Variants in ZC3H7B observed in about 807,000 individuals in gnomAD.
ZC3H7B encodes the protein zinc finger CCCH domain-containing protein 7B.
Under a neutral mutation model 116.0 loss-of-function variants are expected in ZC3H7B, and 35 were observed. That is an observed-to-expected ratio of 0.30 (90% CI 0.23 to 0.40). The LOEUF is 0.40. Among genes scored for constraint, ZC3H7B ranks in the 10% least tolerant of loss-of-function variants. The pLI, the probability that ZC3H7B is intolerant of heterozygous loss-of-function variation, is 1.00. For synonymous variants in ZC3H7B, 502 were observed against 545.6 expected (o/e 0.92, Z 1.11); for missense variants, 1,011 against 1,321.5 (o/e 0.77, Z 3.64).
At chr22:41,345,054 A>G (rs549285227) in intron 13 of ZC3H7B, among the ~76,000 whole-genome samples, 20 of 152,216 alleles carry the variant, frequency 1.3e-4, no homozygotes, top group Non-Finnish European at 2.1e-4. Flanking sequence ...GCCTCAAGCA[A>G]TTCTCCTGCC....
rs2036475464 is a variant in ZC3H7B at position 41,338,632 on chromosome 22, T to G, written c.625+277T>G. 6.6e-6 allele frequency among the ~76,000 whole-genome samples: 1 copy of G among 152,126 alleles called. No homozygotes were observed. Among genetic ancestry groups the G allele is most frequent in the African/African-American group, 2.4e-5 (1 of 41,426 alleles). ...TCCTGGCTGCCTGCACACCCCCACC[T>G]CTTCCAAAGCCCTTTCCCCTCCTCT... On this transcript the variant is annotated intron_variant, in intron 8 of 22. Coordinates refer to ENST00000352645, the MANE Select transcript of ZC3H7B (RefSeq NM_017590.6). The surrounding 1 kb of genome is among the most constrained non-coding windows in gnomAD (Gnocchi z 4.5).
At chr22:41,344,573 G>T (rs1394786755) in intron 13 of ZC3H7B, among the ~76,000 whole-genome samples, 1 of 152,158 alleles carries the variant, frequency 6.6e-6, no homozygotes, top group East Asian at 1.9e-4. Context: ...CTTCTCTGCG[G>T]TGCTTCCCCT....
At chr22:41,319,243 T>C (rs967998983) in intron 1 of ZC3H7B, among the ~76,000 whole-genome samples, 7 of 152,030 alleles carry the variant, frequency 4.6e-5, no homozygotes, top group East Asian at 3.9e-4. Flanking sequence ...CTACTAAAAA[T>C]ACAAAAAATT....
chr22:41,308,165 T>C (rs2036070493), intron 1 of ZC3H7B, among the ~76,000 whole-genome samples: 1 of 152,070 alleles, frequency 6.6e-6, no homozygotes. Context: ...GATTGGTTTG[T>C]GTTACTGAAG....
At chr22:41,341,262 C>T in intron 11 of ZC3H7B, 116 bp downstream of exon 11, 1 of 1,263,056 alleles carries the variant, frequency 7.9e-7, no homozygotes, top group Admixed American at 2.1e-5. Context: ...CACGGCGGGG[C>T]ACTCCCAGAG....
Position 41,356,734 on chromosome 22 carries a change from G to A in ZC3H7B, c.2607G>A (p.Lys869=), listed in dbSNP as rs752968572. 42 of 1,613,588 alleles carry A rather than the reference G, an allele frequency of 2.6e-5. No individual in the cohort carries two copies. In the South Asian group the frequency reaches 4.3e-4, roughly 16 times the overall value. Residue 869 remains lysine, a synonymous_variant, in exon 22 of 23, where the codon AAG becomes AAA. Transcript: ENST00000352645. Reference sequence around the variant, plus strand: ...TCCAGTCCGAGAAGCACAAGGAGAAGGTCTTCACGTCCGACAGTGACGCCA... The same window carrying A: ...TCCAGTCCGAGAAGCACAAGGAGAAAGTCTTCACGTCCGACAGTGACGCCA... ...QHIQSEKHKE[K]VFTSDSDASG...
At chr22:41,307,078 A>G (rs1317130886) in intron 1 of ZC3H7B, among the ~76,000 whole-genome samples, 1 of 151,328 alleles carries the variant, frequency 6.6e-6, no homozygotes, top group Admixed American at 6.6e-5. Context: ...GGTTCAAGCA[A>G]TTCTCCTGCC....
At chr22:41,354,339 A>G (rs528484784) in intron 17 of ZC3H7B, among the ~76,000 whole-genome samples, 37 of 152,322 alleles carry the variant, frequency 2.4e-4, no homozygotes, top group African/African-American at 8.7e-4. Flanking sequence ...GCGTAAAGGC[A>G]TGACCTCACC....
chr22:41,324,018 C>T (rs764374306), intron 2 of ZC3H7B, among the ~76,000 whole-genome samples: 30 of 151,824 alleles, frequency 2.0e-4, no homozygotes, highest in African/African-American at 5.8e-4. Context: ...TGCAGTGAGC[C>T]GAGATTGGGC....
chr22:41,326,120 A>T (rs916511457), intron 4 of ZC3H7B, among the ~76,000 whole-genome samples: 1 of 152,150 alleles, frequency 6.6e-6, no homozygotes, highest in Non-Finnish European at 1.5e-5. Flanking sequence ...AAAAGTACGG[A>T]TGCATAATAA....
chr22:41,350,950 C>T (rs1160268860), intron 16 of ZC3H7B, among the ~76,000 whole-genome samples: 2 of 152,150 alleles, frequency 1.3e-5, no homozygotes, highest in Non-Finnish European at 2.9e-5. Context: ...AGATGGAGAG[C>T]GCTGAAAAGA....
intron 1 of ZC3H7B, among the ~76,000 whole-genome samples, chr22:41,318,807 C>G (rs913163505): frequency 2.0e-5 from 3 of 152,158 alleles, no homozygotes; most frequent in African/African-American, 7.2e-5. Context: ...ACCCTCCCCA[C>G]TGCCCACTCT....
chr22:41,335,846 C>G (rs1270649083), intron 7 of ZC3H7B: 1 of 152,674 alleles, frequency 6.5e-6, no homozygotes, highest in African/African-American at 2.4e-5. Context: ...GCTTTCTGGG[C>G]TGACATTTCC....
chr22:41,304,504 CATTT>C (rs1417841197), intron 1 of ZC3H7B, among the ~76,000 whole-genome samples: 5 of 152,164 alleles, frequency 3.3e-5, no homozygotes, highest in Admixed American at 2.0e-4. Flanking sequence ...TTGACTTTGT[CATTT>C]ATTATCTGGC....
intron 7 of ZC3H7B, 166 bp downstream of exon 7, chr22:41,332,393 T>A: frequency 4.9e-6 from 4 of 812,160 alleles, no homozygotes; most frequent in South Asian, 1.6e-5. Flanking sequence ...AGGCCATGGC[T>A]GCTGTTGGCA....
rs2036590488 is a variant in ZC3H7B at position 41,346,752 on chromosome 22, G to A, written c.1665+544G>A. On this transcript the variant is annotated intron_variant, in intron 14 of 22. Transcript: ENST00000352645. This position sits in a 1 kb window ranked among gnomAD's most constrained non-coding sequence, Gnocchi z 5.3. Reference sequence around the variant, plus strand: ...AATCACTTGAACTGGGGAGGCAAAGGTTGCAGTGAGCCGAGATCGCGCAAC... The same window carrying A: ...AATCACTTGAACTGGGGAGGCAAAGATTGCAGTGAGCCGAGATCGCGCAAC... 6.6e-6 allele frequency among the ~76,000 whole-genome samples: 1 copy of A among 152,056 alleles called. No individual in the cohort carries two copies. Among genetic ancestry groups the A allele is most frequent in the African/African-American group, 2.4e-5 (1 of 41,378 alleles).
rs577029781 is a variant in ZC3H7B at position 41,320,313 on chromosome 22, CAG to C, written c.-6-341_-6-340del. 3.1e-3 allele frequency among the ~76,000 whole-genome samples: 452 copies of C among 145,082 alleles called. 1 individual carries two copies. Among genetic ancestry groups the C allele is most frequent in the African/African-American group, 0.011 (413 of 39,000 alleles). Reference sequence around the variant, plus strand: ...GCGCCATTGCACTCAGCCTGGGTAACAGGGGAGACTCTGTATCCAAAAAAAAA... The same window carrying C: ...GCGCCATTGCACTCAGCCTGGGTAACGGGAGACTCTGTATCCAAAAAAAAA... On this transcript the variant is annotated intron_variant, in intron 1 of 22. Transcript: ENST00000352645.
Position 41,327,431 on chromosome 22 carries a change from A to T in ZC3H7B, c.444+67A>T. 1 of 1,564,614 alleles carries T rather than the reference A, an allele frequency of 6.4e-7. No homozygotes were observed. Among genetic ancestry groups the T allele is most frequent in the Admixed American group, 1.7e-5 (1 of 57,686 alleles). On this transcript the variant is annotated intron_variant, in intron 5 of 22. Coordinates refer to ENST00000352645, the MANE Select transcript of ZC3H7B (RefSeq NM_017590.6). The surrounding 1 kb of genome is among the most constrained non-coding windows in gnomAD (Gnocchi z 4.5). ...CCAGGCTTCTGACCTTCCGGCCCTC[A>T]CTTGGGCCCAGCCACCACATCCTTC...
chr22:41,315,210 CGTGCTAGA>C (rs945554064), intron 1 of ZC3H7B, among the ~76,000 whole-genome samples: 24 of 151,766 alleles, frequency 1.6e-4, no homozygotes, highest in Admixed American at 1.5e-3. Context: ...TCCACACGCA[CGTGCTAGA>C]GTGCTAGAGT....
Sources: allele counts gnomAD v4.1 joint callset (sites outside exome capture counted in the v4.1 genomes callset), GRCh38; gene constraint gnomAD v4.1.1; non-coding constraint Gnocchi (gnomAD v3.1); transcripts MANE v1.5; gene names NCBI Gene and HGNC (gene_info 2026-07-23, HGNC 2026-07-21).